The following ANKFN1 variants were observed in gnomAD, a reference collection of about 807,000 sequenced individuals.
ANKFN1 encodes ankyrin repeat and fibronectin type-III domain-containing protein 1.
Under a neutral mutation model 108.7 loss-of-function variants are expected in ANKFN1, and 74 were observed. That is an observed-to-expected ratio of 0.68 (90% CI 0.56 to 0.83). ANKFN1 has a LOEUF of 0.83. Among genes scored for constraint, ANKFN1 ranks in the 40% least tolerant of loss-of-function variants. The probability of loss-of-function intolerance (pLI) is 0.00; values close to 1 mark genes in which losing one functional copy is unlikely to be tolerated. For synonymous variants in ANKFN1, 547 were observed against 516.2 expected (o/e 1.06, Z -0.81); for missense variants, 1,505 against 1,382.3 (o/e 1.09, Z -1.41).
At chr17:56,392,930 T>A (rs1186662178) in intron 8 of ANKFN1, among the ~76,000 whole-genome samples, 1 of 152,222 alleles carries the variant, frequency 6.6e-6, no homozygotes, top group East Asian at 1.9e-4. Context: ...GACTTTCCAC[T>A]GATTTTAGCT....
intron 14 of ANKFN1, chr17:56,464,018 C>G (rs1191550958): frequency 6.6e-6 from 1 of 152,164 alleles, no homozygotes; most frequent in African/African-American, 2.4e-5. Flanking sequence ...CCTAGATCAC[C>G]TAACCTTGAT....
intron 3 of ANKFN1, among the ~76,000 whole-genome samples, chr17:56,325,482 G>T (rs927190535): frequency 1.3e-5 from 2 of 152,172 alleles, no homozygotes; most frequent in Non-Finnish European, 2.9e-5. Context: ...GAAAGGAGCC[G>T]GGTATACCCA....
At chr17:56,360,611 A>G (rs1157276900) in intron 6 of ANKFN1, among the ~76,000 whole-genome samples, 2 of 152,194 alleles carry the variant, frequency 1.3e-5, no homozygotes, top group African/African-American at 2.4e-5. Flanking sequence ...AATTGAATCA[A>G]TCCCAAGCCT....
At chr17:56,330,471 C>G (rs1276902872) in intron 4 of ANKFN1, among the ~76,000 whole-genome samples, 1 of 152,100 alleles carries the variant, frequency 6.6e-6, no homozygotes, top group African/African-American at 2.4e-5. Context: ...GGAGACACAG[C>G]CAAGCCATAT....
intron 8 of ANKFN1, among the ~76,000 whole-genome samples, chr17:56,429,893 T>C (rs1382331250): frequency 6.6e-6 from 1 of 152,172 alleles, no homozygotes; most frequent in Admixed American, 6.5e-5. Context: ...TATGTTGTGC[T>C]GGTAGAGTTG....
chr17:56,404,350 G>T (rs1305325163), intron 8 of ANKFN1, among the ~76,000 whole-genome samples: 8 of 152,044 alleles, frequency 5.3e-5, no homozygotes, highest in African/African-American at 1.9e-4. Flanking sequence ...TGGAGGCCTT[G>T]TTCATATTTT....
intron 1 of ANKFN1, among the ~76,000 whole-genome samples, chr17:56,187,107 C>T (rs1004640502): frequency 2.0e-5 from 3 of 152,128 alleles, no homozygotes; most frequent in African/African-American, 7.2e-5. Flanking sequence ...AACTAAGGAG[C>T]GTCTGCACAA....
intron 4 of ANKFN1, among the ~76,000 whole-genome samples, chr17:56,081,378 A>C (rs1905244202): frequency 6.6e-6 from 1 of 151,740 alleles, no homozygotes; most frequent in African/African-American, 2.4e-5. Context: ...TTTGAGACAG[A>C]GTCTGACTTT....
chr17:56,304,159 G>A (rs1253693701), intron 3 of ANKFN1, among the ~76,000 whole-genome samples: 3 of 152,000 alleles, frequency 2.0e-5, no homozygotes, highest in African/African-American at 7.2e-5. Context: ...CTTCCCTCCT[G>A]CCCCTACCCC....
chr17:56,255,941 A>G (rs1249489121), intron 3 of ANKFN1, among the ~76,000 whole-genome samples: 1 of 152,204 alleles, frequency 6.6e-6, no homozygotes, highest in Non-Finnish European at 1.5e-5. Context: ...TGGGAGGCCA[A>G]GGCAAGAGGA....
chr17:56,061,276 T>C (rs1244004941), intron 4 of ANKFN1, among the ~76,000 whole-genome samples: 4 of 135,226 alleles, frequency 3.0e-5, no homozygotes, highest in African/African-American at 5.6e-5. Flanking sequence ...TTTTTTTTTT[T>C]TTTTTTTTTT....
intron 3 of ANKFN1, among the ~76,000 whole-genome samples, chr17:56,322,953 A>G (rs923132690): frequency 4.6e-5 from 7 of 152,218 alleles, no homozygotes; most frequent in African/African-American, 7.2e-5. Context: ...ATATCTGCAT[A>G]TAATAAATGA....
chr17:56,157,831 C>T (rs1316082664), intron 1 of ANKFN1, among the ~76,000 whole-genome samples: 1 of 152,188 alleles, frequency 6.6e-6, no homozygotes, highest in Non-Finnish European at 1.5e-5. Context: ...TGATTGGATA[C>T]GTGGAATCCG....
intron 1 of ANKFN1, among the ~76,000 whole-genome samples, chr17:56,155,234 A>G (rs1197436778): frequency 6.6e-6 from 1 of 152,126 alleles, no homozygotes. Context: ...GAGTCATGAG[A>G]CTTATCTCTC....
intron 3 of ANKFN1, among the ~76,000 whole-genome samples, chr17:56,250,553 CAG>C (rs1241830493): frequency 6.6e-6 from 1 of 152,180 alleles, no homozygotes; most frequent in African/African-American, 2.4e-5. Flanking sequence ...TTTCTGCACA[CAG>C]AGTATTTTTT....
chr17:56,290,610 C>T (rs2044335170), intron 3 of ANKFN1, among the ~76,000 whole-genome samples: 1 of 152,048 alleles, frequency 6.6e-6, no homozygotes. Context: ...AACATGCAAA[C>T]TAAATATTTT....
intron 1 of ANKFN1, among the ~76,000 whole-genome samples, chr17:56,158,404 TC>T (rs1191210467): frequency 6.6e-6 from 1 of 152,192 alleles, no homozygotes; most frequent in African/African-American, 2.4e-5. Context: ...CCTTCTTCCA[TC>T]CTGGTGCTTA....
chr17:56,403,822 T>G (rs2047835965), intron 8 of ANKFN1, among the ~76,000 whole-genome samples: 1 of 152,204 alleles, frequency 6.6e-6, no homozygotes, highest in African/African-American at 2.4e-5. Flanking sequence ...TTTCAAGGTT[T>G]AGAGCTCCTT....
At chr17:56,173,659 C>T (rs1439027385) in intron 1 of ANKFN1, among the ~76,000 whole-genome samples, 1 of 151,988 alleles carries the variant, frequency 6.6e-6, no homozygotes, top group Non-Finnish European at 1.5e-5. Context: ...ACAGGTTCTC[C>T]CTATGTTGCC....
Sources: gnomAD v4.1 joint callset for allele counts (sites outside exome capture counted in the v4.1 genomes callset) on GRCh38, gnomAD v4.1.1 for gene constraint, MANE v1.5 for transcripts, NCBI Gene and HGNC (gene_info 2026-07-23, HGNC 2026-07-21) for gene names.